Variants in ADAMTS17 observed in about 807,000 individuals in gnomAD.
ADAMTS17 encodes A disintegrin and metalloproteinase with thrombospondin motifs 17.
ADAMTS17 carries 113 observed loss-of-function variants against 141.5 expected under a neutral mutation model. The ratio of observed to expected loss-of-function variants is 0.80; its 90% CI spans 0.69 to 0.93. The LOEUF (loss-of-function observed/expected upper bound fraction) is 0.93. ADAMTS17 is among the 40% of genes least tolerant of loss of function. ADAMTS17 has a pLI of 0.00. For missense variants in ADAMTS17, 1,659 were observed against 1,517.9 expected, an observed-to-expected ratio of 1.09 and a Z score of -1.54; for synonymous variants, 768 against 630.6, an observed-to-expected ratio of 1.22 and a Z score of -3.27.
chr15:100,281,147 T>G (rs1210555192), intron 4 of ADAMTS17, 82 bp downstream of exon 4: 2 of 1,580,778 alleles, frequency 1.3e-6, no homozygotes, highest in Middle Eastern at 2.3e-4. Flanking sequence ...CTTGAGGAGA[T>G]GAGGACACAG....
At chr15:100,298,629 T>C (rs2044911044) in intron 3 of ADAMTS17, among the ~76,000 whole-genome samples, 1 of 151,956 alleles carries the variant, frequency 6.6e-6, no homozygotes, top group African/African-American at 2.4e-5. Flanking sequence ...TCATATACAT[T>C]GCATTAGGGA....
chr15:100,093,410 G>A (rs1437793453), intron 15 of ADAMTS17, among the ~76,000 whole-genome samples: 1 of 152,058 alleles, frequency 6.6e-6, no homozygotes, highest in African/African-American at 2.4e-5. Context: ...ACCGTTAAGG[G>A]TGATAAGGCA....
At chr15:100,340,067 G>A (rs2046318141) in intron 2 of ADAMTS17, among the ~76,000 whole-genome samples, 1 of 152,268 alleles carries the variant, frequency 6.6e-6, no homozygotes, top group African/African-American at 2.4e-5. Context: ...TGCCTCCCCA[G>A]AGGCCAGTCA....
intron 18 of ADAMTS17, among the ~76,000 whole-genome samples, chr15:100,010,796 C>A (rs1470669337): frequency 6.6e-6 from 1 of 152,218 alleles, no homozygotes; most frequent in Non-Finnish European, 1.5e-5. Flanking sequence ...AGCTGGGCTG[C>A]AATGTTCTCC....
In ADAMTS17 at chr15:99,993,446, C is replaced by G. The variant is rs1176850751; in HGVS notation, c.2797-246G>C. ...TCAGGAGTGGGAAGAACCTGGGGTACTCATAAGGTCACATGAGGGGAGTGG... is the reference window on the plus strand; with the variant it reads ...TCAGGAGTGGGAAGAACCTGGGGTAGTCATAAGGTCACATGAGGGGAGTGG... On this transcript the variant is annotated intron_variant, in intron 19 of 21. Transcript: ENST00000268070. This position sits in a 1 kb window ranked among gnomAD's most constrained non-coding sequence, Gnocchi z 4.3. Among the ~76,000 whole-genome samples the G allele has an allele frequency of 5.9e-5, 9 of 152,114 alleles. No individual in the cohort carries two copies. Among genetic ancestry groups the G allele is most frequent in the Admixed American group, 6.5e-5 (1 of 15,274 alleles).
intron 10 of ADAMTS17, among the ~76,000 whole-genome samples, chr15:100,140,151 A>G (rs768808966): frequency 6.6e-6 from 1 of 151,912 alleles, no homozygotes; most frequent in Non-Finnish European, 1.5e-5. Context: ...ATGCGCCACC[A>G]TGCCTGGCTA....
chr15:100,085,202 G>C (rs964076263), intron 15 of ADAMTS17, among the ~76,000 whole-genome samples: 3 of 152,126 alleles, frequency 2.0e-5, no homozygotes, highest in East Asian at 3.8e-4. Context: ...AAATGCACAA[G>C]GCCTCAGTAG....
At chr15:100,037,866 G>A (rs1414580787) in intron 18 of ADAMTS17, among the ~76,000 whole-genome samples, 1 of 151,860 alleles carries the variant, frequency 6.6e-6, no homozygotes, top group Non-Finnish European at 1.5e-5. Context: ...CTGCAGCCTC[G>A]ACCTCCCATT....
rs920150088 is a variant in ADAMTS17 at position 99,974,011 on chromosome 15, T to C, written c.*391A>G. 1.2e-5 allele frequency: 2 copies of C among 172,336 alleles called. No individual in the cohort carries two copies. The highest frequency in any genetic ancestry group is 1.3e-4 in the East Asian group (1 of 7,470). 10.7% of individuals were successfully genotyped at this position (172,336 alleles called of 1,614,324 possible). A position where few individuals can be genotyped will look rare whatever the true frequency, so the allele number is the denominator to read the frequency against. On this transcript the variant is annotated 3_prime_UTR_variant, in exon 22 of 22. Coordinates refer to ENST00000268070, the MANE Select transcript of ADAMTS17 (RefSeq NM_139057.4). ...TTTCAGAATAAAGCCTTTTCTAGCA[T>C]GTCTCGTTTTGGGGATGTTTCCTCC... is the stretch of plus-strand genomic sequence containing the variant.
In ADAMTS17 at chr15:99,974,403, C is replaced by G. The variant is rs934150528; in HGVS notation, c.3287G>C (p.Ter1096SerextTer50). The G allele has an allele frequency of 6.2e-7, 1 of 1,614,042 alleles. No individual in the cohort carries two copies. Among genetic ancestry groups the G allele is most frequent in the African/African-American group, 1.3e-5 (1 of 74,934 alleles). The change falls in exon 22 of 22, where the codon TGA becomes TCA. Residue 1096 changes from the stop codon to serine (S), a stop_lost. Transcript: ENST00000268070. The part of the protein sequence containing the change: ...NKMRQPPPNS[*>S] ...TTGAGCGACCCTTGGGACTGCGTGTCACGAGTTCGGCGGTGGCTGGCGCAT... is the reference window on the plus strand; with the variant it reads ...TTGAGCGACCCTTGGGACTGCGTGTGACGAGTTCGGCGGTGGCTGGCGCAT...
intron 3 of ADAMTS17, among the ~76,000 whole-genome samples, chr15:100,321,074 T>C (rs1444778614): frequency 6.9e-6 from 1 of 144,988 alleles, no homozygotes; most frequent in East Asian, 2.1e-4. Flanking sequence ...GTGGTTAAAT[T>C]AACAGATAAA....
chr15:99,990,210 AT>A (rs962716262), intron 20 of ADAMTS17, among the ~76,000 whole-genome samples: 1 of 151,218 alleles, frequency 6.6e-6, no homozygotes, highest in Non-Finnish European at 1.5e-5. Flanking sequence ...TATTTTTTTG[AT>A]TTTTTTTTGT....
Position 99,997,824 on chromosome 15 carries a change from C to T in ADAMTS17, c.2592-235G>A, listed in dbSNP as rs999149052. Among the ~76,000 whole-genome samples the T allele has an allele frequency of 6.6e-6, 1 of 152,216 alleles. No homozygotes were observed. Among genetic ancestry groups the T allele is most frequent in the African/African-American group, 2.4e-5 (1 of 41,462 alleles). On this transcript the variant is annotated intron_variant, in intron 18 of 21. Transcript: ENST00000268070. This position sits in a 1 kb window ranked among gnomAD's most constrained non-coding sequence, Gnocchi z 4.7. ...CACAGACATCTTTCTGCAACCAACA[C>T]CCCTACGGCAGACAGAATTATCTGG...
chr15:100,329,847 T>G (rs1368384685), intron 3 of ADAMTS17, among the ~76,000 whole-genome samples: 1 of 152,200 alleles, frequency 6.6e-6, no homozygotes, highest in Non-Finnish European at 1.5e-5. Flanking sequence ...CTGCAAAACT[T>G]GTTTACAAAT....
intron 3 of ADAMTS17, among the ~76,000 whole-genome samples, chr15:100,297,241 T>C (rs1360091718): frequency 6.6e-6 from 1 of 152,114 alleles, no homozygotes; most frequent in Admixed American, 6.5e-5. Flanking sequence ...AGAGAGAACG[T>C]AGGCACCAAG....
At chr15:100,233,316 G>A (rs1351520163) in intron 7 of ADAMTS17, among the ~76,000 whole-genome samples, 1 of 146,542 alleles carries the variant, frequency 6.8e-6, no homozygotes, top group African/African-American at 2.6e-5. Flanking sequence ...GGCAACAAGA[G>A]TGAAACTCCA....
chr15:100,279,668 C>A (rs1474658620), intron 4 of ADAMTS17, among the ~76,000 whole-genome samples: 4 of 152,176 alleles, frequency 2.6e-5, no homozygotes, highest in African/African-American at 9.7e-5. Context: ...TATGGCTGGG[C>A]AGGAGTCTGG....
intron 15 of ADAMTS17, among the ~76,000 whole-genome samples, chr15:100,076,743 C>A (rs1053071313): frequency 6.6e-6 from 1 of 152,146 alleles, no homozygotes; most frequent in Non-Finnish European, 1.5e-5. Context: ...TACAAATACA[C>A]TTGAGTATAC....
intron 3 of ADAMTS17, among the ~76,000 whole-genome samples, chr15:100,311,565 T>C (rs185144575): frequency 1.3e-4 from 20 of 152,320 alleles, no homozygotes; most frequent in African/African-American, 4.6e-4. Context: ...CGGGCGTGTG[T>C]TGCATAAGAG....
Sources: allele counts gnomAD v4.1 joint callset (sites outside exome capture counted in the v4.1 genomes callset), GRCh38; gene constraint gnomAD v4.1.1; non-coding constraint Gnocchi (gnomAD v3.1); transcripts MANE v1.5; gene names NCBI Gene and HGNC (gene_info 2026-07-23, HGNC 2026-07-21).